DENND1A: variants seen among roughly 807,000 people sequenced by gnomAD.
DENND1A encodes DENN domain containing 1A, also known as DENN domain-containing protein 1A.
DENND1A carries 51 observed loss-of-function variants against 113.7 expected under a neutral mutation model. The ratio of observed to expected loss-of-function variants is 0.45; its 90% CI spans 0.36 to 0.57. The LOEUF (loss-of-function observed/expected upper bound fraction) is 0.57, where lower values mean the gene tolerates loss of function less well. DENND1A is among the 20% of genes least tolerant of loss of function. The pLI, the probability that DENND1A is intolerant of heterozygous loss-of-function variation, is 0.00. For missense variants in DENND1A, 1,258 were observed against 1,395.9 expected, an observed-to-expected ratio of 0.90 and a Z score of 1.57; for synonymous variants, 565 against 570.8, an observed-to-expected ratio of 0.99 and a Z score of 0.14.
intron 12 of DENND1A, among the ~76,000 whole-genome samples, chr9:123,567,798 C>T (rs1050536673): frequency 6.6e-6 from 1 of 152,168 alleles, no homozygotes; most frequent in Middle Eastern, 3.2e-3. Context: ...CATATCACAG[C>T]AGGAATGCCA....
At chr9:123,666,630 C>A (rs1014916725) in intron 8 of DENND1A, among the ~76,000 whole-genome samples, 2 of 151,920 alleles carry the variant, frequency 1.3e-5, no homozygotes, top group Non-Finnish European at 2.9e-5. Context: ...GAGAGAATGG[C>A]TAAACTACAG....
At chr9:123,841,362 A>C (rs562954446) in intron 2 of DENND1A, among the ~76,000 whole-genome samples, 1 of 152,354 alleles carries the variant, frequency 6.6e-6, no homozygotes, top group Non-Finnish European at 1.5e-5. Context: ...TTAAGAGATC[A>C]TCAAAATAAT....
At position 123,430,392 on chromosome 9, in the gene DENND1A, T is replaced by C. The variant is rs1469549982; in HGVS notation, c.1488+9968A>G. ...CTATAAAGATACATGCACATGTCAC[T>C]GTAGCACTATTCACAATAGCAAAGA... On this transcript the variant is annotated intron_variant, in intron 19 of 23. Coordinates refer to ENST00000394215, the MANE Select transcript of DENND1A (RefSeq NM_001352964.2). 2.0e-5 allele frequency among the ~76,000 whole-genome samples: 3 copies of C among 152,220 alleles called. No homozygotes were observed. In the East Asian group the frequency reaches 5.8e-4, roughly 29 times the overall value.
chr9:123,714,337 C>T (rs756184509), intron 5 of DENND1A, among the ~76,000 whole-genome samples: 1 of 152,194 alleles, frequency 6.6e-6, no homozygotes, highest in African/African-American at 2.4e-5. Context: ...TGCAATGGCT[C>T]ACACCTGTAA....
chr9:123,492,893 G>A (rs1232423758), intron 13 of DENND1A: 1 of 152,208 alleles, frequency 6.6e-6, no homozygotes, highest in East Asian at 1.9e-4. Flanking sequence ...ATCTTGGCAG[G>A]GCTGTGTTAC....
chr9:123,573,213 A>AC (rs2058454137), intron 12 of DENND1A, among the ~76,000 whole-genome samples: 1 of 152,174 alleles, frequency 6.6e-6, no homozygotes, highest in Non-Finnish European at 1.5e-5. Context: ...AACAGGTAAT[A>AC]TAAGTCCTAC....
intron 21 of DENND1A, chr9:123,401,189 T>C (rs1422939790): frequency 6.5e-6 from 1 of 153,380 alleles, no homozygotes; most frequent in Non-Finnish European, 1.5e-5. Flanking sequence ...CCCCGAACAA[T>C]ATTTTATGAG....
rs374774799 is a variant in DENND1A, at chr9:123,929,670, G to C, written c.17+219C>G. 2.4e-3 allele frequency among the ~76,000 whole-genome samples: 358 copies of C among 151,974 alleles called. 2 individuals are homozygous for C. Among genetic ancestry groups the C allele is most frequent in the African/African-American group, 8.4e-3 (348 of 41,472 alleles). The stretch of plus-strand genomic sequence containing the variant: ...CTGTTCCGACCCCCAGGTGAGGAGG[G>C]GACACCTGACCCCCGGCGCCCTGCC... On this transcript the variant is annotated intron_variant, in intron 1 of 23. Coordinates refer to ENST00000394215, the MANE Select transcript of DENND1A (RefSeq NM_001352964.2).
At chr9:123,387,962 T>C (rs2042654719) in intron 21 of DENND1A, 104 bp from the exon 22 acceptor site, 1 of 1,145,638 alleles carries the variant, frequency 8.7e-7, no homozygotes, top group African/African-American at 1.6e-5. Flanking sequence ...CGCCTGGCCC[T>C]GCCTCTGTGT....
At chr9:123,783,488 G>C (rs1357950891) in intron 3 of DENND1A, among the ~76,000 whole-genome samples, 1 of 152,188 alleles carries the variant, frequency 6.6e-6, no homozygotes. Context: ...CCCAGTAATA[G>C]GAGACACGAC....
At chr9:123,832,458 T>C (rs2132800399) in intron 2 of DENND1A, among the ~76,000 whole-genome samples, 1 of 152,300 alleles carries the variant, frequency 6.6e-6, no homozygotes, top group East Asian at 1.9e-4. Context: ...TTGGAAAACT[T>C]GGCATTTTAT....
At chr9:123,478,531 G>A (rs763038343) in intron 13 of DENND1A, among the ~76,000 whole-genome samples, 1 of 152,184 alleles carries the variant, frequency 6.6e-6, no homozygotes, top group Non-Finnish European at 1.5e-5. Context: ...AACATTTACT[G>A]AGTGCCTGCT....
chr9:123,469,522 C>T (rs547500239), intron 13 of DENND1A, among the ~76,000 whole-genome samples: 8 of 152,230 alleles, frequency 5.3e-5, no homozygotes, highest in Non-Finnish European at 7.3e-5. Context: ...CTGCATTAAC[C>T]GAGACAAACA....
intron 8 of DENND1A, among the ~76,000 whole-genome samples, chr9:123,655,714 G>A (rs1486322061): frequency 6.6e-6 from 1 of 152,214 alleles, no homozygotes; most frequent in Non-Finnish European, 1.5e-5. Context: ...AAGATCAGAG[G>A]ATAGAAGGGA....
At position 123,702,469 on chromosome 9, in the gene DENND1A, A is replaced by G. The variant is rs1399036004; in HGVS notation, c.303-25680T>C. On this transcript the variant is annotated intron_variant, in intron 5 of 23. Transcript: ENST00000394215. Reference sequence around the variant, plus strand: ...GGTACAGAAAGGTCAAAAGCCTCCAATCAGATTCAATTCAAATAAGACTAC... The same window carrying G: ...GGTACAGAAAGGTCAAAAGCCTCCAGTCAGATTCAATTCAAATAAGACTAC... 2.0e-5 allele frequency among the ~76,000 whole-genome samples: 3 copies of G among 152,302 alleles called. No individual in the cohort carries two copies. In the East Asian group the frequency reaches 5.8e-4, roughly 29 times the overall value.
chr9:123,558,069 T>TAAAAAC (rs2057528941), intron 12 of DENND1A, among the ~76,000 whole-genome samples: 1 of 152,182 alleles, frequency 6.6e-6, no homozygotes, highest in African/African-American at 2.4e-5. Flanking sequence ...ACATGTCTAA[T>TAAAAAC]AAAAACAAAA....
In DENND1A at chr9:123,457,778, C is replaced by T; in HGVS notation, c.1098+15G>A. On this transcript the variant is annotated intron_variant, in intron 14 of 23. Transcript: ENST00000394215. ...CCAGGGAGCCAGACCCAGGCCAGACCAGGGAGGGAGGCACCTGCTTGAAGA... is the reference window on the plus strand; with the variant it reads ...CCAGGGAGCCAGACCCAGGCCAGACTAGGGAGGGAGGCACCTGCTTGAAGA... 1.3e-6 allele frequency: 2 copies of T among 1,599,568 alleles called. No homozygotes were observed. Among genetic ancestry groups the T allele is most frequent in the Admixed American group, 1.7e-5 (1 of 58,398 alleles).
chr9:123,903,331 CAAAAAAAAAAAAAA>C (rs869154918), intron 1 of DENND1A, among the ~76,000 whole-genome samples: 8 of 27,020 alleles, frequency 3.0e-4, no homozygotes, highest in Admixed American at 1.5e-3. Flanking sequence ...GACTCCGTCT[CAAAAAAAAAAAAAA>C]AAAAAAAAAA....
chr9:123,441,000 T>C (rs555274409), intron 18 of DENND1A, among the ~76,000 whole-genome samples: 1 of 152,314 alleles, frequency 6.6e-6, no homozygotes, highest in Admixed American at 6.5e-5. Context: ...GCATTTAGGA[T>C]TCTAATTTTT....
Sources: allele counts gnomAD v4.1 joint callset (sites outside exome capture counted in the v4.1 genomes callset), GRCh38; gene constraint gnomAD v4.1.1; transcripts MANE v1.5; gene names NCBI Gene and HGNC (gene_info 2026-07-23, HGNC 2026-07-21).